Variants in RIBC1 observed in about 807,000 individuals in gnomAD.
The protein encoded by RIBC1 is RIB43A-like with coiled-coils protein 1.
Under a neutral mutation model 33.7 loss-of-function variants are expected in RIBC1, and 12 were observed. The ratio of observed to expected loss-of-function variants is 0.36; its 90% confidence interval spans 0.23 to 0.58. The LOEUF is 0.58. Ranked by LOEUF, RIBC1 falls within the 20% of genes least tolerant of loss-of-function variation. The pLI, the probability that RIBC1 is intolerant of heterozygous loss-of-function variation, is 0.81. For synonymous variants in RIBC1, 89 were observed against 109.0 expected (o/e 0.82, Z 1.14); for missense variants, 242 against 311.6 (o/e 0.78, Z 1.68).
At chrX:53,429,055 T>G (rs1394811255) in intron 5 of RIBC1, 1 of 155,785 alleles carries the variant, frequency 6.4e-6, no homozygotes, top group African/African-American at 3.0e-5. Flanking sequence ...GGACCATGTC[T>G]TATCTACTTG....
At chrX:53,423,993 G>A (rs1556892734) in intron 2 of RIBC1, among the ~76,000 whole-genome samples, 1 of 111,334 alleles carries the variant, frequency 9.0e-6, no homozygotes, top group Non-Finnish European at 1.9e-5. Context: ...AGGATCACTT[G>A]AGCCTGGGAG....
chrX:53,426,139 A>C, intron 2 of RIBC1, 138 bp from the exon 3 acceptor site: 1 of 459,296 alleles, frequency 2.2e-6, no homozygotes, highest in Non-Finnish European at 3.9e-6. Flanking sequence ...GAGGGCACAG[A>C]TACGAAATAT....
intron 3 of RIBC1, among the ~76,000 whole-genome samples, chrX:53,427,375 C>T (rs1556893394): frequency 1.8e-5 from 2 of 112,108 alleles, no homozygotes; most frequent in African/African-American, 6.5e-5. Flanking sequence ...AAAACCAGTG[C>T]ATAGTGCCTG....
rs1281198288 is a variant in RIBC1 at position 53,428,104 on chromosome X, G to C, written c.199+20G>C. On this transcript the variant is annotated intron_variant, in intron 4 of 7. Transcript: ENST00000375327. ...CTTATGGTAAAAGCCAAAAGCCAGG[G>C]GCCAGACAAGGGTGTAAAGAAAGAG... 3.3e-6 allele frequency: 4 copies of C among 1,203,748 alleles called. No individual in the cohort carries two copies. In the East Asian group the frequency reaches 8.9e-5, roughly 27 times the overall value.
chrX:53,430,856 C>A, intron 7 of RIBC1, 51 bp from the exon 8 acceptor site: 1 of 1,209,743 alleles, frequency 8.3e-7, no homozygotes, highest in Non-Finnish European at 1.1e-6. Context: ...GGTGAGGAAC[C>A]ATGGAGAGAG....
chrX:53,426,289 A>G lies in RIBC1; in HGVS notation c.13A>G (p.Lys5Glu). Residue 5 changes from lysine to glutamate, a missense_variant, in exon 3 of 8, where the codon AAA becomes GAA. Coordinates refer to ENST00000375327, the MANE Select transcript of RIBC1 (RefSeq NM_001031745.5). ...CCTTTTGCTCCAGATGTATAACATA[A>G]AACAGTCAACAGATACCAAGGAAGC... Reference protein sequence around the residue: MYNIKQSTDTKEAAA... With the variant: MYNIEQSTDTKEAAA... 1 of 1,206,300 alleles carries G rather than the reference A, an allele frequency of 8.3e-7. No homozygotes were observed. Among genetic ancestry groups the G allele is most frequent in the East Asian group, 3.0e-5 (1 of 33,844 alleles).
rs782016134 is a variant in RIBC1, at chrX:53,428,296, G to A, written c.213G>A (p.Val71=). ...CACCACCCCCAGGTACCAGCCAGGT[G>A]CAGTATGATGTGGTAGTCCAGATGT... The part of the protein sequence containing the change: ...SKEAAYGTSQ[V]QYDVVVQMLE... The change falls in exon 5 of 8, where the codon GTG becomes GTA. Residue 71 remains valine, a synonymous_variant. Transcript: ENST00000375327. 6.6e-6 allele frequency: 8 copies of A among 1,210,890 alleles called. No homozygotes were observed. Among genetic ancestry groups the A allele is most frequent in the South Asian group, 1.8e-5 (1 of 56,913 alleles).
Position 53,429,929 on chromosome X carries a change from G to A in RIBC1, c.620G>A (p.Arg207His), listed in dbSNP as rs782209169. The A allele has an allele frequency of 1.2e-5, 14 of 1,209,789 alleles. No homozygotes were observed. The highest frequency in any genetic ancestry group is 2.2e-5 in the Admixed American group (1 of 45,907). ...CTGGCCAGGCTGGAGGAGTCCTGTC[G>A]TGCGGCCATGATGTGTGCCATGGCC... is the stretch of plus-strand genomic sequence containing the variant. ...THLARLEESC[R>H]AAMMCAMANA... Residue 207 changes from arginine (R) to histidine (H), a missense_variant, in exon 6 of 8, where the codon CGT (arginine) becomes CAT (histidine). Coordinates refer to ENST00000375327, the MANE Select transcript of RIBC1 (RefSeq NM_001031745.5).
chrX:53,426,612 C>T (rs782486519), intron 3 of RIBC1, among the ~76,000 whole-genome samples: 54 of 111,886 alleles, frequency 4.8e-4, no homozygotes, highest in Admixed American at 9.4e-4. Context: ...CTAGGGGAGA[C>T]GGCTGACCCT....
chrX:53,430,923 TCA>T lies in RIBC1; in HGVS notation c.1076_1077del (p.Ser359CysfsTer16). ...EQKAQQDYLN[S>X]VIYTNQPTAQ... is the part of the protein sequence containing the mutation. ...CTTTCACAGGCAGGATTACCTGAAT[TCA>T]GTAATCTACACCAATCAACCTACAG... On this transcript the variant is annotated frameshift_variant, in exon 8 of 8. Coordinates refer to ENST00000375327, the MANE Select transcript of RIBC1 (RefSeq NM_001031745.5). LOFTEE classifies it high-confidence loss of function. The T allele has an allele frequency of 8.3e-7, 1 of 1,209,921 alleles. No individual in the cohort carries two copies. Among genetic ancestry groups the T allele is most frequent in the Non-Finnish European group, 1.1e-6 (1 of 894,857 alleles).
chrX:53,424,806 C>T (rs2075782602), intron 2 of RIBC1, among the ~76,000 whole-genome samples: 1 of 108,950 alleles, frequency 9.2e-6, no homozygotes, highest in Non-Finnish European at 1.9e-5. Context: ...TGGCTCATGC[C>T]TGTAATACCA....
chrX:53,428,126 A>T, intron 4 of RIBC1, 42 bp downstream of exon 4: 1 of 1,198,696 alleles, frequency 8.3e-7, no homozygotes, highest in Non-Finnish European at 1.1e-6. Flanking sequence ...GTGTAAAGAA[A>T]GAGCTCGAGT....
chrX:53,430,347 G>C, intron 6 of RIBC1, 49 bp from the exon 7 acceptor site: 1 of 1,073,195 alleles, frequency 9.3e-7, no homozygotes, highest in Non-Finnish European at 1.3e-6. Context: ...CTGTGACAGA[G>C]TTCCCTGAGG....
intron 6 of RIBC1, 145 bp from the exon 7 acceptor site, chrX:53,430,251 C>G: frequency 1.9e-6 from 1 of 522,046 alleles, no homozygotes. Context: ...CCATTCTCCC[C>G]AACACATATT....
chrX:53,423,162 T>C (rs2075770640), intron 1 of RIBC1, among the ~76,000 whole-genome samples, 152 bp from the exon 2 acceptor site: 1 of 110,096 alleles, frequency 9.1e-6, no homozygotes, highest in South Asian at 3.9e-4. Context: ...TTGCTAATGG[T>C]GGGGTGGGAT....
intron 1 of RIBC1, 103 bp downstream of exon 1, chrX:53,423,107 A>G: frequency 5.8e-6 from 1 of 171,284 alleles, no homozygotes; most frequent in Non-Finnish European, 1.1e-5. Context: ...GCTGGACGGG[A>G]AGGAGGGGCC....
Position 53,430,671 on chromosome X carries a change from G to A in RIBC1, c.939G>A (p.Gln313=). The change falls in exon 7 of 8, where the codon CAG becomes CAA. Residue 313 remains glutamine (Q), a synonymous_variant. Coordinates refer to ENST00000375327, the MANE Select transcript of RIBC1 (RefSeq NM_001031745.5). ...EKTLDTEWKS[Q]TMSSAQAVLE... ...CACTGGATACTGAATGGAAAAGCCA[G>A]ACCATGAGCTCAGCCCAGGCAGTGC... is the stretch of plus-strand genomic sequence containing the variant. 1 of 1,206,340 alleles carries A rather than the reference G, an allele frequency of 8.3e-7. No individual in the cohort carries two copies. The highest frequency in any genetic ancestry group is 1.1e-6 in the Non-Finnish European group (1 of 892,472).
chrX:53,424,641 G>A (rs1272913952), intron 2 of RIBC1, among the ~76,000 whole-genome samples: 1 of 107,430 alleles, frequency 9.3e-6, no homozygotes, highest in East Asian at 3.0e-4. Flanking sequence ...GATTACAGGC[G>A]TGAGCCACCG....
At chrX:53,424,676 T>G (rs1354080104) in intron 2 of RIBC1, among the ~76,000 whole-genome samples, 1 of 107,757 alleles carries the variant, frequency 9.3e-6, no homozygotes, top group Admixed American at 1.0e-4. Flanking sequence ...TAAAATAAAA[T>G]TTTAAATTTA....
Sources: gnomAD v4.1 joint callset for allele counts (sites outside exome capture counted in the v4.1 genomes callset) on GRCh38, gnomAD v4.1.1 for gene constraint, MANE v1.5 for transcripts, NCBI Gene and HGNC (gene_info 2026-07-23, HGNC 2026-07-21) for gene names.